COL16A1: variants seen among roughly 807,000 people sequenced by gnomAD.
COL16A1 encodes the protein collagen alpha-1(XVI) chain.
Under a neutral mutation model 266.3 loss-of-function variants are expected in COL16A1, and 189 were observed. The ratio of observed to expected loss-of-function variants is 0.71; its 90% CI spans 0.63 to 0.80. The LOEUF is 0.80. COL16A1 is among the 30% of genes least tolerant of loss of function. The pLI is 0.00. For synonymous variants in COL16A1, 740 were observed against 782.3 expected, an observed-to-expected ratio of 0.95 and a Z score of 0.90; for missense variants, 1,928 against 2,122.4, an observed-to-expected ratio of 0.91 and a Z score of 1.80.
chr1:31,684,708 C>A, intron 30 of COL16A1, 78 bp from the exon 31 acceptor site: 1 of 1,608,770 alleles, frequency 6.2e-7, no homozygotes, highest in South Asian at 1.1e-5. Flanking sequence ...CGCAGGCACT[C>A]ACACTCCTTT....
At position 31,686,394 on chromosome 1, in the gene COL16A1, T is replaced by G. The variant is rs747086488; in HGVS notation, c.1804-115A>C. ...TTCAGATGTCCAGACTACCCTCTCA[T>G]GTCCAGAGAGGAAGAGGGCTTTCTC... On this transcript the variant is annotated intron_variant, in intron 26 of 70. Coordinates refer to ENST00000373672, the MANE Select transcript of COL16A1 (RefSeq NM_001856.4). 3 of 1,391,918 alleles carry G rather than the reference T, an allele frequency of 2.2e-6. No individual in the cohort carries two copies. The East Asian group carries it at 7.2e-5, about 33-fold the overall frequency. 86.2% of individuals were successfully genotyped at this position (1,391,918 alleles called of 1,614,324 possible).
chr1:31,688,750 C>A lies in COL16A1; in HGVS notation c.1767+111G>T, dbSNP rs781066682. On this transcript the variant is annotated intron_variant, in intron 25 of 70. Coordinates refer to ENST00000373672, the MANE Select transcript of COL16A1 (RefSeq NM_001856.4). This position sits in a 1 kb window ranked among gnomAD's most constrained non-coding sequence, Gnocchi z 4.9. ...GACAGGCCTGGGACACCTGCCTCTT[C>A]CCCTCCCTCCTGATCCCTGCCCTGA... The A allele has an allele frequency of 4.1e-5, 51 of 1,230,580 alleles. No homozygotes were observed. Among genetic ancestry groups the A allele is most frequent in the Non-Finnish European group, 5.7e-5 (50 of 871,026 alleles). The allele number at this position is 1,230,580 out of a possible 1,614,324, so 76.2% of individuals were successfully genotyped here.
At chr1:31,690,619 A>C in intron 20 of COL16A1, 46 bp from the exon 21 acceptor site, 1 of 1,603,372 alleles carries the variant, frequency 6.2e-7, no homozygotes, top group Non-Finnish European at 8.5e-7. Context: ...TGGCCAATGC[A>C]ATCTCGGTGC....
chr1:31,686,014 G>C (rs1643952874), intron 28 of COL16A1, 77 bp downstream of exon 28: 7 of 1,588,482 alleles, frequency 4.4e-6, no homozygotes, highest in Non-Finnish European at 5.1e-6. Context: ...GCCCCAGAGG[G>C]TTCGAAGTCG....
chr1:31,657,730 C>T lies in COL16A1; in HGVS notation c.4021-662G>A, dbSNP rs897801303. 4.6e-5 allele frequency among the ~76,000 whole-genome samples: 7 copies of T among 152,332 alleles called. No homozygotes were observed. Among genetic ancestry groups the T allele is most frequent in the African/African-American group, 1.4e-4 (6 of 41,576 alleles). ...CTGATGGGTCCCAGGAGACCTGGGT[C>T]CCTGCCTCTGCTCTCCCAGGAGACT... On this transcript the variant is annotated intron_variant, in intron 64 of 70. Transcript: ENST00000373672. This position sits in a 1 kb window ranked among gnomAD's most constrained non-coding sequence, Gnocchi z 6.4.
rs1557680587 is a variant in COL16A1, at chr1:31,690,506, C to T, written c.1482+23G>A. The T allele has an allele frequency of 1.9e-6, 3 of 1,614,078 alleles. No homozygotes were observed. The East Asian group carries it at 6.7e-5, about 36-fold the overall frequency. ...GAGGCCTTGGAAGAGCCGACCCTCC[C>T]CCGCTGGATTGGTGTCACTCACAGG... is the stretch of plus-strand genomic sequence containing the variant. On this transcript the variant is annotated intron_variant, in intron 21 of 70. Transcript: ENST00000373672.
chr1:31,666,051 G>C lies in COL16A1; in HGVS notation c.3388C>G (p.Pro1130Ala), dbSNP rs778006208. Residue 1130 changes from proline (P) to alanine (A), a missense_variant, in exon 53 of 71, where the codon CCC (proline) becomes GCC (alanine). Physicochemically the swap from Pro to Ala is conservative, Grantham distance 27. This residue lies in a region of COL16A1 where 1,552 missense variants were observed against 1,637.2 expected (regional missense o/e 0.95). Transcript: ENST00000373672. The part of the protein sequence containing the change: ...GPPGSEGLPG[P>A]PGPAGPRGER... ...CCTTCACTCACCGCTGGGCCTGGGG[G>C]GCCTGGGAGGCCTTCAGATCCTGGG... 6.2e-7 allele frequency: 1 copy of C among 1,612,872 alleles called. No homozygotes were observed. Among genetic ancestry groups the C allele is most frequent in the Non-Finnish European group, 8.5e-7 (1 of 1,179,632 alleles).
chr1:31,666,236 C>G, intron 52 of COL16A1, 155 bp from the exon 53 acceptor site: 1 of 782,454 alleles, frequency 1.3e-6, no homozygotes, highest in South Asian at 2.0e-5. Context: ...TCAGGCTTCC[C>G]TGCTCTTGCC....
chr1:31,679,014 A>C (rs1230182007), intron 42 of COL16A1, among the ~76,000 whole-genome samples: 1 of 152,102 alleles, frequency 6.6e-6, no homozygotes, highest in Non-Finnish European at 1.5e-5. Context: ...TATCCCTCAC[A>C]GCTTCTCATC....
Position 31,684,107 on chromosome 1 carries a change from A to T in COL16A1, c.2283+2T>A. On this transcript the variant is annotated splice_donor_variant, in intron 32 of 70. Coordinates refer to ENST00000373672, the MANE Select transcript of COL16A1 (RefSeq NM_001856.4). LOFTEE classifies it high-confidence loss of function. Reference sequence around the variant, plus strand: ...GGAAGGGCCGGAGGGCAGGCAACTCACGGGTTTACCAGGTCGGCCCACGCC... The same window carrying T: ...GGAAGGGCCGGAGGGCAGGCAACTCTCGGGTTTACCAGGTCGGCCCACGCC... The T allele has an allele frequency of 6.3e-7, 1 of 1,596,018 alleles. No individual in the cohort carries two copies. Among genetic ancestry groups the T allele is most frequent in the South Asian group, 1.1e-5 (1 of 88,592 alleles).
chr1:31,685,234 T>C lies in COL16A1; in HGVS notation c.2017-378A>G, dbSNP rs1019820903. The stretch of plus-strand genomic sequence containing the variant: ...GTTACTGTGAAAGCAGTAACAGTGA[T>C]AATAACCACAGTGGTAACTGCCATT... On this transcript the variant is annotated intron_variant, in intron 29 of 70. Coordinates refer to ENST00000373672, the MANE Select transcript of COL16A1 (RefSeq NM_001856.4). The surrounding 1 kb of genome is among the most constrained non-coding windows in gnomAD (Gnocchi z 4.0). Among the ~76,000 whole-genome samples, 1 of 152,144 alleles carries C rather than the reference T, an allele frequency of 6.6e-6. No individual in the cohort carries two copies. Among genetic ancestry groups the C allele is most frequent in the Non-Finnish European group, 1.5e-5 (1 of 68,026 alleles).
At chr1:31,671,829 G>A (rs964267757) in intron 47 of COL16A1, among the ~76,000 whole-genome samples, 170 bp from the exon 48 acceptor site, 7 of 152,146 alleles carry the variant, frequency 4.6e-5, no homozygotes, top group African/African-American at 1.2e-4. Context: ...TGGCCCATTC[G>A]GTCATCCTAC....
intron 26 of COL16A1, among the ~76,000 whole-genome samples, chr1:31,686,610 G>A (rs1643991847): frequency 6.6e-6 from 1 of 152,258 alleles, no homozygotes; most frequent in Non-Finnish European, 1.5e-5. Flanking sequence ...TGGGTAGACA[G>A]CAGTGAGCAG....
chr1:31,680,964 TA>T (rs771406946), intron 38 of COL16A1, 33 bp from the exon 39 acceptor site: 10 of 1,614,036 alleles, frequency 6.2e-6, no homozygotes, highest in East Asian at 2.2e-5. Flanking sequence ...GGTGAGCAGA[TA>T]GGGGTGCCGA....
chr1:31,691,720 C>G, intron 17 of COL16A1, 78 bp from the exon 18 acceptor site: 1 of 1,526,822 alleles, frequency 6.5e-7, no homozygotes, highest in Non-Finnish European at 8.9e-7. Context: ...TGAATGCCCA[C>G]CTGTCCCACC....
chr1:31,685,949 C>T lies in COL16A1; in HGVS notation c.1884+142G>A. 1 of 1,469,342 alleles carries T rather than the reference C, an allele frequency of 6.8e-7. No individual in the cohort carries two copies. Among genetic ancestry groups the T allele is most frequent in the South Asian group, 1.3e-5 (1 of 76,386 alleles). 91.0% of individuals were successfully genotyped at this position (1,469,342 alleles called of 1,614,324 possible). On this transcript the variant is annotated intron_variant, in intron 28 of 70. Transcript: ENST00000373672. This position sits in a 1 kb window ranked among gnomAD's most constrained non-coding sequence, Gnocchi z 4.0. ...AGAAACAAAGGTGGAGCTGAGTCAT[C>T]AGGGGTCTCCATGCCTTGCTAAGGA...
Position 31,696,067 on chromosome 1 carries a change from TCCC to T in COL16A1, c.918+18_918+20del. ...GGCAGACTGAGGGCAGGTAGGCTCC[TCCC>T]CCCACCCCCACCTCTACCTTTGCTC... On this transcript the variant is annotated intron_variant, in intron 9 of 70. Transcript: ENST00000373672. The T allele has an allele frequency of 6.5e-7, 1 of 1,543,070 alleles. No individual in the cohort carries two copies. Among genetic ancestry groups the T allele is most frequent in the Non-Finnish European group, 9.0e-7 (1 of 1,116,624 alleles).
intron 31 of COL16A1, 27 bp from the exon 32 acceptor site, chr1:31,684,258 G>A (rs1305757860): frequency 7.5e-6 from 11 of 1,458,128 alleles, no homozygotes; most frequent in Admixed American, 5.5e-5. Flanking sequence ...ACAGCCAGGA[G>A]CCCATGAGCC....
At chr1:31,674,889 T>C in intron 44 of COL16A1, 118 bp downstream of exon 44, 1 of 1,475,264 alleles carries the variant, frequency 6.8e-7, no homozygotes, top group South Asian at 1.3e-5. Context: ...TTGGAATGCG[T>C]ATTCCCTGCA....
Sources: allele counts gnomAD v4.1 joint callset (sites outside exome capture counted in the v4.1 genomes callset), GRCh38; gene constraint gnomAD v4.1.1; regional missense constraint gnomAD v4.1.1; non-coding constraint Gnocchi (gnomAD v3.1); transcripts MANE v1.5; gene names NCBI Gene and HGNC (gene_info 2026-07-23, HGNC 2026-07-21).